The following BEND2 variants were observed in gnomAD, a reference collection of about 807,000 sequenced individuals.
The protein encoded by BEND2 is BEN domain containing 2.
Under a neutral mutation model 43.8 loss-of-function variants are expected in BEND2, and 19 were observed. The observed-to-expected ratio is 0.43, with a 90% CI of 0.30 to 0.64. The LOEUF is 0.64. Ranked by LOEUF, BEND2 falls within the 30% of genes least tolerant of loss-of-function variation. The pLI, the probability that BEND2 is intolerant of heterozygous loss-of-function variation, is 0.11. For missense variants in BEND2, 544 were observed against 574.0 expected, an observed-to-expected ratio of 0.95 and a Z score of 0.53; for synonymous variants, 226 against 210.1, an observed-to-expected ratio of 1.08 and a Z score of -0.66.
chrX:18,176,671 C>T (rs986353344), intron 10 of BEND2, among the ~76,000 whole-genome samples: 1 of 110,101 alleles, frequency 9.1e-6, no homozygotes, highest in Non-Finnish European at 1.9e-5. Flanking sequence ...AGAGCAAGAC[C>T]ATGCGTCTGA....
intron 10 of BEND2, among the ~76,000 whole-genome samples, chrX:18,177,230 C>T (rs1410184479): frequency 7.7e-5 from 5 of 65,147 alleles, no homozygotes; most frequent in African/African-American, 2.3e-4. Context: ...CCCCCCACCC[C>T]ACCACCTTCT....
chrX:18,186,733 G>A (rs1009910911), intron 8 of BEND2, among the ~76,000 whole-genome samples: 4 of 109,105 alleles, frequency 3.7e-5, no homozygotes, highest in African/African-American at 6.7e-5. Flanking sequence ...GGCCGAGGTG[G>A]GAGGATCACT....
At chrX:18,191,475 C>G (rs952659523) in intron 7 of BEND2, among the ~76,000 whole-genome samples, 7 of 111,967 alleles carry the variant, frequency 6.3e-5, no homozygotes, top group African/African-American at 2.3e-4. Context: ...TTTTATAAAA[C>G]TAAACATACC....
At chrX:18,190,213 T>C (rs1245259078) in intron 8 of BEND2, among the ~76,000 whole-genome samples, 2 of 111,765 alleles carry the variant, frequency 1.8e-5, no homozygotes, top group East Asian at 5.6e-4. Context: ...CAGCAGTTAA[T>C]TGCACTCTTC....
At chrX:18,178,077 C>G (rs924741355) in intron 9 of BEND2, among the ~76,000 whole-genome samples, 16 of 111,540 alleles carry the variant, frequency 1.4e-4, no homozygotes, top group Admixed American at 7.7e-4. Flanking sequence ...CATTGTTAGG[C>G]TGCAGGTGCA....
intron 12 of BEND2, among the ~76,000 whole-genome samples, chrX:18,171,409 A>G (rs1923974296): frequency 8.9e-6 from 1 of 111,779 alleles, no homozygotes; most frequent in Non-Finnish European, 1.9e-5. Flanking sequence ...TAGCACAATC[A>G]TGGCTCACTG....
At chrX:18,188,789 C>T (rs1924657221) in intron 8 of BEND2, among the ~76,000 whole-genome samples, 1 of 111,593 alleles carries the variant, frequency 9.0e-6, no homozygotes, top group African/African-American at 3.3e-5. Context: ...TCAGTATTAC[C>T]CTGATACCAA....
chrX:18,188,914 AG>A (rs1431071170), intron 8 of BEND2, among the ~76,000 whole-genome samples: 2 of 112,310 alleles, frequency 1.8e-5, no homozygotes, highest in African/African-American at 6.5e-5. Flanking sequence ...TACATTAAAA[AG>A]ATCAGCCGGG....
rs1272488202 is a variant in BEND2, at chrX:18,174,128, A to C, written c.1883T>G (p.Met628Arg). Residue 628 changes from methionine (M) to arginine (R), a missense_variant, in exon 12 of 14, where the codon ATG (methionine) becomes AGG (arginine). By Grantham distance (91) the Met-to-Arg change is moderately conservative. Transcript: ENST00000380033. ...TGGCTGCAAGTTCCTCTTTTCTCTC[A>C]TTTTGGAGTTATTCATTGGCTGAAA... ...WMFQPMNNSK[M>R]REKRNLQPNS... 1.7e-6 allele frequency: 2 copies of C among 1,209,768 alleles called. No homozygotes were observed. Among genetic ancestry groups the C allele is most frequent in the Non-Finnish European group, 2.2e-6 (2 of 894,899 alleles).
intron 11 of BEND2, among the ~76,000 whole-genome samples, chrX:18,175,319 T>C (rs1257851778): frequency 1.8e-5 from 2 of 110,247 alleles, no homozygotes; most frequent in Non-Finnish European, 3.8e-5. Flanking sequence ...GAAAAGGGGG[T>C]TGGTGGAAAT....
intron 7 of BEND2, among the ~76,000 whole-genome samples, chrX:18,194,065 G>C (rs1414182299): frequency 1.8e-5 from 2 of 111,584 alleles, no homozygotes; most frequent in African/African-American, 6.5e-5. Context: ...CCTTCAAACA[G>C]AAAAGATACT....
chrX:18,177,824 C>T, intron 9 of BEND2, 55 bp from the exon 10 acceptor site: 2 of 984,292 alleles, frequency 2.0e-6, no homozygotes, highest in Middle Eastern at 6.6e-4. Flanking sequence ...CAAGGGTACC[C>T]TCAAAGTACA....
At chrX:18,173,176 G>A (rs1008154450) in intron 12 of BEND2, among the ~76,000 whole-genome samples, 3 of 111,160 alleles carry the variant, frequency 2.7e-5, no homozygotes, top group Non-Finnish European at 3.8e-5. Context: ...GTCAGGGTTA[G>A]AGATATGTGG....
intron 5 of BEND2, among the ~76,000 whole-genome samples, chrX:18,202,372 T>A (rs1925194626): frequency 8.9e-6 from 1 of 112,389 alleles, no homozygotes; most frequent in Non-Finnish European, 1.9e-5. Context: ...TTTGAAGGTA[T>A]CCTTTCCAAA....
chrX:18,197,228 C>T (rs1373738105), intron 6 of BEND2, among the ~76,000 whole-genome samples: 3 of 111,187 alleles, frequency 2.7e-5, no homozygotes, highest in Non-Finnish European at 5.7e-5. Context: ...TAAGGTCAGG[C>T]GTTTGAGACC....
chrX:18,170,065 T>C (rs1359564003), intron 13 of BEND2, among the ~76,000 whole-genome samples: 2 of 111,537 alleles, frequency 1.8e-5, no homozygotes, highest in Non-Finnish European at 3.8e-5. Flanking sequence ...GGAAATTGAG[T>C]TTAGTTTTTT....
At chrX:18,185,575 TAAC>T (rs1306293676) in intron 8 of BEND2, among the ~76,000 whole-genome samples, 1 of 88,506 alleles carries the variant, frequency 1.1e-5, no homozygotes, top group Non-Finnish European at 2.3e-5. Context: ...ATAATAATAA[TAAC>T]AGACAACTTT....
At chrX:18,203,147 G>A (rs2147424508) in intron 5 of BEND2, among the ~76,000 whole-genome samples, 1 of 111,554 alleles carries the variant, frequency 9.0e-6, no homozygotes, top group Admixed American at 9.6e-5. Flanking sequence ...AAAGGAGGAT[G>A]GGTTTGGTTA....
At chrX:18,212,823 C>T (rs968448669) in intron 3 of BEND2, 143 bp from the exon 4 acceptor site, 3 of 400,643 alleles carry the variant, frequency 7.5e-6, no homozygotes, top group Non-Finnish European at 1.3e-5. Context: ...TCTTCCATGA[C>T]CAATTTAGAG....
Sources: allele counts gnomAD v4.1 joint callset (sites outside exome capture counted in the v4.1 genomes callset), GRCh38; gene constraint gnomAD v4.1.1; transcripts MANE v1.5; gene names NCBI Gene and HGNC (gene_info 2026-07-23, HGNC 2026-07-21).